The following CCDC102B variants were observed in gnomAD, a reference collection of about 807,000 sequenced individuals.
The protein encoded by CCDC102B is coiled-coil domain-containing protein 102B.
A neutral mutation model predicts 57.4 loss-of-function variants in CCDC102B; 75 were observed. That is an observed-to-expected ratio of 1.31 (90% CI 1.08 to 1.58). The LOEUF (loss-of-function observed/expected upper bound fraction) is 1.58, where lower values mean the gene tolerates loss of function less well. Among genes scored for constraint, CCDC102B ranks in the 40% most tolerant of loss-of-function variants. The pLI is 0.00. For synonymous variants in CCDC102B, 206 were observed against 201.9 expected (o/e 1.02, Z -0.17); for missense variants, 636 against 582.6 (o/e 1.09, Z -0.94).
chr18:68,935,044 A>G (rs977772129), intron 6 of CCDC102B, among the ~76,000 whole-genome samples: 1 of 151,978 alleles, frequency 6.6e-6, no homozygotes, highest in African/African-American at 2.4e-5. Context: ...ATGTGGGTGC[A>G]TGCCCCGGCT....
chr18:68,868,691 C>T (rs1246401097), intron 4 of CCDC102B, among the ~76,000 whole-genome samples: 1 of 152,132 alleles, frequency 6.6e-6, no homozygotes, highest in East Asian at 1.9e-4. Flanking sequence ...AATTGATATT[C>T]AATACTTATC....
In CCDC102B at chr18:69,054,831, A is replaced by G; in HGVS notation, c.*694A>G. 1.0e-6 allele frequency: 1 copy of G among 985,364 alleles called. No individual in the cohort carries two copies. Among genetic ancestry groups the G allele is most frequent in the Non-Finnish European group, 1.2e-6 (1 of 829,906 alleles). 61.0% of individuals were successfully genotyped at this position (985,364 alleles called of 1,614,324 possible). The stretch of plus-strand genomic sequence containing the variant: ...TTCTACAGTAAAATCATGGAAAGGC[A>G]TCAGCATTGCAAAGTAGCATCTAGG... On this transcript the variant is annotated 3_prime_UTR_variant, in exon 8 of 8. Transcript: ENST00000360242.
chr18:68,748,205 GGTGTGTGTGTGTGTGTGT>G lies in CCDC102B; in HGVS notation c.-67+31646_-67+31663del, dbSNP rs5825872. On this transcript the variant is annotated intron_variant, in intron 2 of 3. Transcript: ENST00000578970. ...TAGGTACTTTGTCCATTATTAAACTGGTGTGTGTGTGTGTGTGTGTGTGTGTGTGTGTGTGTGTGTGTG... is the reference window on the plus strand; with the variant it reads ...TAGGTACTTTGTCCATTATTAAACTGGTGTGTGTGTGTGTGTGTGTGTGTG... Among the ~76,000 whole-genome samples, 149 of 137,594 alleles carry G rather than the reference GGTGTGTGTGTGTGTGTGT, an allele frequency of 1.1e-3. 1 individual carries two copies. The highest frequency in any genetic ancestry group is 7.6e-3 in the Middle Eastern group (2 of 264). 90.3% of individuals were successfully genotyped at this position (137,594 alleles called of 152,430 possible).
chr18:68,746,712 T>G (rs1220602884), intron 2 of CCDC102B, among the ~76,000 whole-genome samples: 2 of 152,042 alleles, frequency 1.3e-5, no homozygotes. Flanking sequence ...ACGGATTCCA[T>G]GTCATTATTG....
At chr18:68,717,959 A>G (rs1268358348) in intron 2 of CCDC102B, 1 of 152,256 alleles carries the variant, frequency 6.6e-6, no homozygotes, top group Non-Finnish European at 1.5e-5. Context: ...CTTATAAAAG[A>G]GATTGAAGGG....
chr18:68,817,850 A>C (rs1265384505), intron 1 of CCDC102B, among the ~76,000 whole-genome samples: 5 of 152,156 alleles, frequency 3.3e-5, no homozygotes, highest in Non-Finnish European at 7.4e-5. Context: ...TCTGAACATA[A>C]TTGTTTTGAT....
intron 6 of CCDC102B, among the ~76,000 whole-genome samples, chr18:68,914,077 C>G (rs930598433): frequency 6.6e-6 from 1 of 152,198 alleles, no homozygotes; most frequent in African/African-American, 2.4e-5. Flanking sequence ...CACCAATTTT[C>G]TCAAAATACA....
intron 7 of CCDC102B, among the ~76,000 whole-genome samples, chr18:69,011,738 C>T (rs1473755131): frequency 2.0e-5 from 3 of 151,594 alleles, no homozygotes; most frequent in South Asian, 2.1e-4. Context: ...GACTGTCACC[C>T]GCAGTAGCAT....
intron 1 of CCDC102B, among the ~76,000 whole-genome samples, chr18:68,815,677 TACACAC>T (rs10592850): frequency 9.9e-4 from 147 of 148,978 alleles, no homozygotes; most frequent in African/African-American, 2.3e-3. Context: ...TCCATTTACA[TACACAC>T]ACACACACAC....
At chr18:68,832,406 G>A (rs182689495) in intron 1 of CCDC102B, among the ~76,000 whole-genome samples, 18 of 152,282 alleles carry the variant, frequency 1.2e-4, no homozygotes, top group African/African-American at 4.1e-4. Context: ...ATGATTGTTA[G>A]CAACATTCAG....
In CCDC102B at chr18:68,967,647, T is replaced by C. The variant is rs137945186; in HGVS notation, c.1264-43287T>C. Among the ~76,000 whole-genome samples, 1,220 of 152,260 alleles carry C rather than the reference T, an allele frequency of 8.0e-3. 16 individuals carry two copies. Among genetic ancestry groups the C allele is most frequent in the African/African-American group, 0.027 (1,128 of 41,550 alleles). The stretch of plus-strand genomic sequence containing the variant: ...CCATAACCTCAAGAAGCATATCATA[T>C]GTTGAAAAGATGTATGATTTCTGGT... On this transcript the variant is annotated intron_variant, in intron 6 of 7. Transcript: ENST00000360242.
chr18:68,745,251 C>T (rs751800215), intron 2 of CCDC102B, among the ~76,000 whole-genome samples: 4 of 151,946 alleles, frequency 2.6e-5, no homozygotes, highest in Non-Finnish European at 4.4e-5. Flanking sequence ...GGCCCTGTTT[C>T]AGCTGCCCAT....
rs1054050294 is a variant in CCDC102B, at chr18:69,054,343, A to G, written c.*206A>G. Reference sequence around the variant, plus strand: ...TTCTCAAAAAGACAATTTAAATGTCATTTAAAAACAACTTTAATTCTAAGA... The same window carrying G: ...TTCTCAAAAAGACAATTTAAATGTCGTTTAAAAACAACTTTAATTCTAAGA... On this transcript the variant is annotated 3_prime_UTR_variant, in exon 8 of 8. Transcript: ENST00000360242. 4 of 1,213,838 alleles carry G rather than the reference A, an allele frequency of 3.3e-6. No individual in the cohort carries two copies. The African/African-American group carries it at 4.7e-5, about 14-fold the overall frequency. The allele number at this position is 1,213,838 out of a possible 1,614,324, so 75.2% of individuals were successfully genotyped here.
At chr18:68,969,612 T>C (rs1474141413) in intron 6 of CCDC102B, among the ~76,000 whole-genome samples, 2 of 152,080 alleles carry the variant, frequency 1.3e-5, no homozygotes, top group Admixed American at 6.6e-5. Flanking sequence ...TGTATTATAA[T>C]TATCATAATA....
At chr18:68,893,444 T>C (rs1231017223) in intron 5 of CCDC102B, among the ~76,000 whole-genome samples, 1 of 152,160 alleles carries the variant, frequency 6.6e-6, no homozygotes, top group Non-Finnish European at 1.5e-5. Flanking sequence ...CCTTTTCATG[T>C]TATGTTATGG....
intron 4 of CCDC102B, among the ~76,000 whole-genome samples, chr18:68,874,144 T>G (rs2039340795): frequency 6.7e-6 from 1 of 149,834 alleles, no homozygotes; most frequent in Non-Finnish European, 1.5e-5. Context: ...CTTCATATAT[T>G]TTATCAGCCC....
intron 7 of CCDC102B, among the ~76,000 whole-genome samples, chr18:69,046,373 T>C (rs553810808): frequency 2.6e-5 from 4 of 152,300 alleles, no homozygotes; most frequent in African/African-American, 9.6e-5. Context: ...TATAATATGC[T>C]TATTGGATGC....
chr18:68,794,685 C>T (rs1011209186), upstream of CCDC102B, among the ~76,000 whole-genome samples: 8 of 152,058 alleles, frequency 5.3e-5, no homozygotes, highest in East Asian at 1.9e-4. Context: ...TTATCATATG[C>T]CCCCAAGTGA....
At chr18:69,027,421 T>C (rs1012267690) in intron 7 of CCDC102B, among the ~76,000 whole-genome samples, 3 of 152,200 alleles carry the variant, frequency 2.0e-5, no homozygotes. Context: ...TACACACACA[T>C]ATATTTTTGT....
Sources: gnomAD v4.1 joint callset for allele counts (sites outside exome capture counted in the v4.1 genomes callset) on GRCh38, gnomAD v4.1.1 for gene constraint, MANE v1.5 for transcripts, NCBI Gene and HGNC (gene_info 2026-07-23, HGNC 2026-07-21) for gene names.